FBXL7: variants seen among roughly 807,000 people sequenced by gnomAD.
FBXL7 encodes the protein F-box/LRR-repeat protein 7.
Under a neutral mutation model 38.3 loss-of-function variants are expected in FBXL7, and 12 were observed. The ratio of observed to expected loss-of-function variants is 0.31; its 90% CI spans 0.20 to 0.51. FBXL7 has a LOEUF of 0.51. Ranked by LOEUF, FBXL7 falls within the 20% of genes least tolerant of loss-of-function variation. FBXL7 has a pLI of 0.98. For synonymous variants in FBXL7, 297 were observed against 300.9 expected, an observed-to-expected ratio of 0.99 and a Z score of 0.13; for missense variants, 567 against 676.4, an observed-to-expected ratio of 0.84 and a Z score of 1.79.
At chr5:15,589,960 T>C (rs1458480884) in intron 1 of FBXL7, among the ~76,000 whole-genome samples, 3 of 152,230 alleles carry the variant, frequency 2.0e-5, no homozygotes, top group African/African-American at 4.8e-5. Context: ...CTTGATCCTC[T>C]GTGTTTCTAA....
intron 2 of FBXL7, among the ~76,000 whole-genome samples, chr5:15,727,452 T>C (rs956881741): frequency 6.6e-6 from 1 of 152,212 alleles, no homozygotes; most frequent in East Asian, 1.9e-4. Context: ...TTCCTCACTT[T>C]TGAAGGGCAG....
In FBXL7 at chr5:15,844,211, C is replaced by G. The variant is rs549884070; in HGVS notation, c.128-83679C>G. Among the ~76,000 whole-genome samples the G allele has an allele frequency of 4.6e-5, 7 of 152,206 alleles. No homozygotes were observed. The South Asian group carries it at 1.2e-3, about 27-fold the overall frequency. On this transcript the variant is annotated intron_variant, in intron 2 of 3. Transcript: ENST00000504595. ...AAGCATTTAATTGCATACAGATTGGCCTTTCATTTTGCTTCAATCTTTTCC... is the reference window on the plus strand; with the variant it reads ...AAGCATTTAATTGCATACAGATTGGGCTTTCATTTTGCTTCAATCTTTTCC...
chr5:15,694,973 A>G (rs374582825), intron 2 of FBXL7, among the ~76,000 whole-genome samples: 25 of 152,330 alleles, frequency 1.6e-4, no homozygotes, highest in African/African-American at 5.8e-4. Flanking sequence ...GTGATTAGCT[A>G]TAAAACAGAG....
chr5:15,634,844 C>T (rs1266733008), intron 2 of FBXL7, among the ~76,000 whole-genome samples: 1 of 152,038 alleles, frequency 6.6e-6, no homozygotes, highest in Non-Finnish European at 1.5e-5. Context: ...ATCTTTAAAG[C>T]CAGTAGCATA....
chr5:15,932,213 G>A (rs1742055019), intron 3 of FBXL7, among the ~76,000 whole-genome samples: 1 of 152,152 alleles, frequency 6.6e-6, no homozygotes, highest in Non-Finnish European at 1.5e-5. Context: ...AGGTGGTTGG[G>A]AGGATTAAAT....
chr5:15,523,895 T>A (rs1332619739), intron 1 of FBXL7, among the ~76,000 whole-genome samples: 1 of 152,156 alleles, frequency 6.6e-6, no homozygotes, highest in African/African-American at 2.4e-5. Context: ...TAAACTAGCC[T>A]TGTGGAAGAG....
At chr5:15,511,599 C>G (rs1236744106) in intron 1 of FBXL7, among the ~76,000 whole-genome samples, 2 of 152,232 alleles carry the variant, frequency 1.3e-5, no homozygotes, top group Non-Finnish European at 2.9e-5. Context: ...TTCTTTCTCA[C>G]CAGTCCCTGG....
intron 1 of FBXL7, among the ~76,000 whole-genome samples, chr5:15,525,051 T>C (rs1324423140): frequency 6.6e-6 from 1 of 152,220 alleles, no homozygotes; most frequent in Admixed American, 6.5e-5. Flanking sequence ...TTGTCACTTA[T>C]GAGTGATGTG....
Position 15,937,142 on chromosome 5 carries a change from T to G in FBXL7, c.1432T>G (p.Cys478Gly). 3 of 1,607,980 alleles carry G rather than the reference T, an allele frequency of 1.9e-6. No homozygotes were observed. Among genetic ancestry groups the G allele is most frequent in the Non-Finnish European group, 2.6e-6 (3 of 1,176,054 alleles). ...GGCCCTGCGCTTTGTCAAACGCCAC[T>G]GCAAGCGCTGCGTCATCGAGCACAC... Reference protein sequence around the residue: ...VEALRFVKRHCKRCVIEHTNP... With the variant: ...VEALRFVKRHGKRCVIEHTNP... Residue 478 changes from cysteine (C) to glycine (G), a missense_variant, in exon 4 of 4, where the codon TGC becomes GGC. Coordinates refer to ENST00000504595, the MANE Select transcript of FBXL7 (RefSeq NM_012304.5).
chr5:15,656,787 G>A (rs939387866), intron 2 of FBXL7, among the ~76,000 whole-genome samples: 7 of 151,806 alleles, frequency 4.6e-5, no homozygotes, highest in South Asian at 4.2e-4. Context: ...TACAGCTAAT[G>A]AATGAGAATT....
At chr5:15,873,643 C>A (rs986263905) in intron 2 of FBXL7, among the ~76,000 whole-genome samples, 1 of 152,106 alleles carries the variant, frequency 6.6e-6, no homozygotes, top group African/African-American at 2.4e-5. Flanking sequence ...AACACCTCTA[C>A]ACAAATATAC....
At chr5:15,667,936 G>A (rs148185674) in intron 2 of FBXL7, among the ~76,000 whole-genome samples, 14 of 152,222 alleles carry the variant, frequency 9.2e-5, no homozygotes, top group African/African-American at 2.9e-4. Flanking sequence ...TCCACTGTTT[G>A]TGCATCTTAG....
intron 2 of FBXL7, among the ~76,000 whole-genome samples, chr5:15,760,655 A>G (rs935230635): frequency 6.6e-6 from 1 of 152,152 alleles, no homozygotes; most frequent in Non-Finnish European, 1.5e-5. Flanking sequence ...ACATCTTTGC[A>G]GTACAAAGAT....
At chr5:15,674,501 G>T (rs1272106958) in intron 2 of FBXL7, among the ~76,000 whole-genome samples, 2 of 152,130 alleles carry the variant, frequency 1.3e-5, no homozygotes, top group Non-Finnish European at 1.5e-5. Flanking sequence ...TGGCTATAGG[G>T]TTTCTATTCA....
chr5:15,552,072 T>G (rs1001667792), intron 1 of FBXL7, among the ~76,000 whole-genome samples: 1 of 152,260 alleles, frequency 6.6e-6, no homozygotes, highest in African/African-American at 2.4e-5. Context: ...ACAGATTGTT[T>G]AGTTTGATGT....
chr5:15,574,602 T>C (rs531673904), intron 1 of FBXL7, among the ~76,000 whole-genome samples: 1 of 152,360 alleles, frequency 6.6e-6, no homozygotes, highest in Admixed American at 6.5e-5. Context: ...TGGACATTTA[T>C]ACATGAATAT....
At chr5:15,833,160 T>A (rs1421075432) in intron 2 of FBXL7, among the ~76,000 whole-genome samples, 3 of 152,164 alleles carry the variant, frequency 2.0e-5, no homozygotes, top group African/African-American at 2.4e-5. Flanking sequence ...ATCAGCAGAA[T>A]GAAAGCGGAC....
intron 2 of FBXL7, among the ~76,000 whole-genome samples, chr5:15,744,226 A>G (rs892901551): frequency 6.6e-6 from 1 of 152,174 alleles, no homozygotes; most frequent in East Asian, 1.9e-4. Flanking sequence ...CAGGCTGCAA[A>G]TTTTCCAAAC....
At position 15,613,349 on chromosome 5, in the gene FBXL7, A is replaced by G. The variant is rs373964421; in HGVS notation, c.38-2634A>G. ...AGGCCAGGTGGACATACTTCTAACCAGGTGCCCAGTCTGCCATGTCAACCC... is the reference window on the plus strand; with the variant it reads ...AGGCCAGGTGGACATACTTCTAACCGGGTGCCCAGTCTGCCATGTCAACCC... On this transcript the variant is annotated intron_variant, in intron 1 of 3. Transcript: ENST00000504595. 1.3e-4 allele frequency among the ~76,000 whole-genome samples: 20 copies of G among 152,344 alleles called. No individual in the cohort carries two copies. The East Asian group carries it at 1.4e-3, about 10-fold the overall frequency.
Sources: allele counts gnomAD v4.1 joint callset (sites outside exome capture counted in the v4.1 genomes callset), GRCh38; gene constraint gnomAD v4.1.1; transcripts MANE v1.5; gene names NCBI Gene and HGNC (gene_info 2026-07-23, HGNC 2026-07-21).